The following CXCL13 variants were observed in gnomAD, a reference collection of about 807,000 sequenced individuals.
CXCL13 encodes C-X-C motif chemokine 13.
Under a neutral mutation model 12.2 loss-of-function variants are expected in CXCL13, and 7 were observed. The ratio of observed to expected loss-of-function variants is 0.57; its 90% CI spans 0.33 to 1.07. The LOEUF (loss-of-function observed/expected upper bound fraction) is 1.07. Among genes scored for constraint, CXCL13 ranks in the 50% least tolerant of loss-of-function variants. The pLI is 0.04. For missense variants in CXCL13, 113 were observed against 127.4 expected (o/e 0.89, Z 0.55); for synonymous variants, 47 against 42.4 (o/e 1.11, Z -0.42).
intron 1 of CXCL13, among the ~76,000 whole-genome samples, chr4:77,577,489 G>C (rs1005707683): frequency 6.6e-6 from 1 of 152,154 alleles, no homozygotes; most frequent in South Asian, 2.1e-4. Flanking sequence ...AGGTGAGTGT[G>C]ACTAATTCCT....
intron 1 of CXCL13, among the ~76,000 whole-genome samples, chr4:77,557,392 C>T (rs757790286): frequency 2.6e-5 from 4 of 152,140 alleles, no homozygotes; most frequent in East Asian, 1.9e-4. Context: ...CATCTTTGGC[C>T]TCTGGAAACT....
chr4:77,550,922 A>T (rs1578049706), intron 1 of CXCL13, among the ~76,000 whole-genome samples: 1 of 152,164 alleles, frequency 6.6e-6, no homozygotes. Context: ...TAATATCTAA[A>T]GTATTATCTA....
chr4:77,562,668 C>A (rs531555391), intron 1 of CXCL13, among the ~76,000 whole-genome samples: 1 of 139,210 alleles, frequency 7.2e-6, no homozygotes, highest in Non-Finnish European at 1.5e-5. Context: ...CTTGGAGAAC[C>A]TTTATGTCTA....
At chr4:77,580,717 TCCC>T (rs1726309291) in intron 1 of CXCL13, among the ~76,000 whole-genome samples, 1 of 55,810 alleles carries the variant, frequency 1.8e-5, no homozygotes. Context: ...TCTCCTCCCC[TCCC>T]CTCCCCTCCC....
At chr4:77,570,878 A>G (rs355665) in intron 1 of CXCL13, among the ~76,000 whole-genome samples, 66,460 of 151,682 alleles carry the variant, frequency 0.44, 15,376 homozygotes, top group African/African-American at 0.55. Context: ...TCGATTTCTC[A>G]CCGGGCCTTA....
At chr4:77,559,591 G>A (rs757220777) in intron 1 of CXCL13, among the ~76,000 whole-genome samples, 32 of 128,268 alleles carry the variant, frequency 2.5e-4, no homozygotes, top group Non-Finnish European at 3.5e-4. Context: ...TAAATATGCC[G>A]TGTGTGTGTG....
intron 1 of CXCL13, among the ~76,000 whole-genome samples, chr4:77,563,123 C>T (rs113542369): frequency 3.3e-5 from 5 of 152,242 alleles, no homozygotes; most frequent in African/African-American, 1.2e-4. Context: ...TAGAAACCCA[C>T]CAGAAGGAAG....
At chr4:77,549,156 G>A (rs182694618) in intron 1 of CXCL13, among the ~76,000 whole-genome samples, 61 of 152,252 alleles carry the variant, frequency 4.0e-4, no homozygotes, top group African/African-American at 1.3e-3. Flanking sequence ...CATGTGTCAC[G>A]TAGTTCTCGT....
rs569419584 is a variant in CXCL13 at position 77,546,441 on chromosome 4, T to C, written c.-43+34653T>C. 2.6e-5 allele frequency among the ~76,000 whole-genome samples: 4 copies of C among 152,326 alleles called. No individual in the cohort carries two copies. In the South Asian group the frequency reaches 8.3e-4, roughly 32 times the overall value. ...AATTTCACAGCCTGTTATTGGTCTATTCAGGGATTCAACTTCTTCCTGGTT... is the reference window on the plus strand; with the variant it reads ...AATTTCACAGCCTGTTATTGGTCTACTCAGGGATTCAACTTCTTCCTGGTT... On this transcript the variant is annotated intron_variant, in intron 1 of 4. Coordinates refer to the CXCL13 transcript ENST00000286758.
chr4:77,607,523 A>G (rs1436846256), intron 1 of CXCL13, among the ~76,000 whole-genome samples, 180 bp from the exon 2 acceptor site: 1 of 152,152 alleles, frequency 6.6e-6, no homozygotes, highest in Non-Finnish European at 1.5e-5. Context: ...TTGGTAGAAA[A>G]CATTTGAAAA....
chr4:77,547,423 G>A (rs906190570), intron 1 of CXCL13, among the ~76,000 whole-genome samples: 9 of 152,122 alleles, frequency 5.9e-5, no homozygotes, highest in African/African-American at 2.2e-4. Context: ...CCTGTATTGG[G>A]TGCATATATA....
At chr4:77,550,637 A>G (rs1423889046) in intron 1 of CXCL13, among the ~76,000 whole-genome samples, 1 of 152,220 alleles carries the variant, frequency 6.6e-6, no homozygotes, top group East Asian at 1.9e-4. Context: ...CCTAGGTCCA[A>G]TTGATCAAAT....
chr4:77,575,491 C>T (rs1474734468), intron 1 of CXCL13, among the ~76,000 whole-genome samples: 1 of 151,768 alleles, frequency 6.6e-6, no homozygotes, highest in African/African-American at 2.4e-5. Context: ...GTTCCCCTCC[C>T]TGTGTCCATG....
chr4:77,574,626 C>T (rs988086655), intron 1 of CXCL13, among the ~76,000 whole-genome samples: 2 of 151,872 alleles, frequency 1.3e-5, no homozygotes, highest in African/African-American at 4.9e-5. Flanking sequence ...ACCTAAAAGA[C>T]AGAAAATGGA....
intron 1 of CXCL13, among the ~76,000 whole-genome samples, chr4:77,544,738 C>T (rs577965137): frequency 6.6e-6 from 1 of 152,172 alleles, no homozygotes; most frequent in Non-Finnish European, 1.5e-5. Flanking sequence ...TGTTCAGAAG[C>T]TCTTTAGTTT....
chr4:77,512,022 GTA>G (rs1487866177), intron 1 of CXCL13, among the ~76,000 whole-genome samples: 1 of 152,182 alleles, frequency 6.6e-6, no homozygotes, highest in East Asian at 1.9e-4. Flanking sequence ...CCACTTCCAG[GTA>G]ATGGAGAGAG....
At chr4:77,551,580 T>G (rs1051478347) in intron 1 of CXCL13, among the ~76,000 whole-genome samples, 4 of 152,230 alleles carry the variant, frequency 2.6e-5, no homozygotes, top group Non-Finnish European at 5.9e-5. Flanking sequence ...GGTGACTACA[T>G]GCCTTGATGA....
At chr4:77,541,532 C>T (rs1578044711) in intron 1 of CXCL13, among the ~76,000 whole-genome samples, 1 of 152,156 alleles carries the variant, frequency 6.6e-6, no homozygotes, top group East Asian at 1.9e-4. Context: ...AGGCGTATGG[C>T]TTTATTTCTG....
intron 1 of CXCL13, among the ~76,000 whole-genome samples, chr4:77,539,640 C>T (rs1725152389): frequency 6.6e-6 from 1 of 152,182 alleles, no homozygotes; most frequent in Non-Finnish European, 1.5e-5. Flanking sequence ...AGGTCATATG[C>T]CAGTTAAACT....
Sources: gnomAD v4.1 joint callset for allele counts (sites outside exome capture counted in the v4.1 genomes callset) on GRCh38, gnomAD v4.1.1 for gene constraint, MANE v1.5 for transcripts, NCBI Gene and HGNC (gene_info 2026-07-23, HGNC 2026-07-21) for gene names.